The following SNX25 variants were observed in gnomAD, a reference collection of about 807,000 sequenced individuals.
The protein encoded by SNX25 is sorting nexin-25.
In SNX25, 62 loss-of-function variants were observed where a neutral mutation model predicts 113.7. The observed-to-expected ratio is 0.55, with a 90% confidence interval of 0.44 to 0.67. The LOEUF (loss-of-function observed/expected upper bound fraction) is 0.67, where lower values mean the gene tolerates loss of function less well. Ranked by LOEUF, SNX25 falls within the 30% of genes least tolerant of loss-of-function variation. The probability of loss-of-function intolerance (pLI) is 0.00; values close to 1 mark genes in which losing one functional copy is unlikely to be tolerated. For synonymous variants in SNX25, 421 were observed against 436.2 expected (o/e 0.97, Z 0.43); for missense variants, 1,014 against 1,161.0 (o/e 0.87, Z 1.84).
At chr4:185,230,656 C>T (rs1741709583) in intron 1 of SNX25, among the ~76,000 whole-genome samples, 1 of 152,102 alleles carries the variant, frequency 6.6e-6, no homozygotes, top group Non-Finnish European at 1.5e-5. Context: ...GCCTCGGCCT[C>T]CCAAAGTGCT....
chr4:185,360,930 AATAT>A (rs3047488), intron 16 of SNX25, among the ~76,000 whole-genome samples: 40 of 139,626 alleles, frequency 2.9e-4, no homozygotes, highest in African/African-American at 4.6e-4. Context: ...AAAAAAAAAT[AATAT>A]ATATATATAT....
Position 185,268,438 on chromosome 4 carries a change from A to G in SNX25, c.1091+1283A>G, listed in dbSNP as rs563780058. ...TGTGTATTTTTAATAGTATATACACATTTAGTATGATTATATAGTATTATC... is the reference window on the plus strand; with the variant it reads ...TGTGTATTTTTAATAGTATATACACGTTTAGTATGATTATATAGTATTATC... On this transcript the variant is annotated intron_variant, in intron 5 of 18. Coordinates refer to ENST00000652585, the MANE Select transcript of SNX25 (RefSeq NM_001378034.2). Among the ~76,000 whole-genome samples, 11 of 152,294 alleles carry G rather than the reference A, an allele frequency of 7.2e-5. No homozygotes were observed. In the East Asian group the frequency reaches 2.1e-3, roughly 29 times the overall value.
intron 12 of SNX25, among the ~76,000 whole-genome samples, chr4:185,345,963 T>G (rs1333941369): frequency 1.3e-5 from 2 of 152,144 alleles, no homozygotes; most frequent in Non-Finnish European, 2.9e-5. Flanking sequence ...GTTCAAACGA[T>G]TCTCCTGCCT....
chr4:185,335,366 CAAAAA>C (rs1376161697), intron 10 of SNX25, among the ~76,000 whole-genome samples: 1 of 147,968 alleles, frequency 6.8e-6, no homozygotes, highest in Non-Finnish European at 1.5e-5. Flanking sequence ...ACAACAAAAA[CAAAAA>C]ACCTTAAGAT....
intron 1 of SNX25, among the ~76,000 whole-genome samples, chr4:185,230,392 ATTT>A (rs35035428): frequency 7.2e-6 from 1 of 139,788 alleles, no homozygotes. Flanking sequence ...AGGAATCATA[ATTT>A]TTTTTTTTTT....
At chr4:185,240,877 A>G (rs866631536) in intron 1 of SNX25, among the ~76,000 whole-genome samples, 2,152 of 146,620 alleles carry the variant, frequency 0.015, 59 homozygotes, top group African/African-American at 0.052. Context: ...CACATCCCAG[A>G]CGGGGCGGCA....
At chr4:185,378,059 G>A in the SNX25 span, 1 of 1,578,122 alleles carries the variant, frequency 6.3e-7, no homozygotes. Context: ...TCCAAGGGAA[G>A]CTTAAATATC....
intron 2 of SNX25, among the ~76,000 whole-genome samples, chr4:185,255,882 C>G (rs947598651): frequency 6.6e-6 from 1 of 152,214 alleles, no homozygotes; most frequent in Non-Finnish European, 1.5e-5. Flanking sequence ...ATTATAGGAT[C>G]AACCCATTCC....
At chr4:185,373,113 G>T, downstream of SNX25, 1 of 1,546,036 alleles carries the variant, frequency 6.5e-7, no homozygotes, top group South Asian at 1.1e-5. Flanking sequence ...TTGTATTTGT[G>T]ATCCACTAGA....
intron 1 of SNX25, among the ~76,000 whole-genome samples, chr4:185,231,351 G>A (rs1431621849): frequency 5.9e-5 from 9 of 151,504 alleles, no homozygotes; most frequent in African/African-American, 2.2e-4. Flanking sequence ...CACCCGCCTC[G>A]GCCTCCCAAA....
At chr4:185,270,921 C>T (rs529012547) in intron 5 of SNX25, among the ~76,000 whole-genome samples, 2 of 152,134 alleles carry the variant, frequency 1.3e-5, no homozygotes, top group African/African-American at 2.4e-5. Context: ...ATCCTTTCAC[C>T]GGTCCATGGG....
intron 5 of SNX25, among the ~76,000 whole-genome samples, chr4:185,278,600 G>T (rs989166591): frequency 6.6e-6 from 1 of 152,172 alleles, no homozygotes; most frequent in Non-Finnish European, 1.5e-5. Context: ...TACACTTTCA[G>T]ATCCTGACTT....
At chr4:185,271,874 G>A (rs1748981631) in intron 5 of SNX25, among the ~76,000 whole-genome samples, 1 of 152,192 alleles carries the variant, frequency 6.6e-6, no homozygotes, top group African/African-American at 2.4e-5. Flanking sequence ...GGAATAGTTT[G>A]GTTATTTTCT....
chr4:185,245,077 A>G (rs1379624262), intron 1 of SNX25, among the ~76,000 whole-genome samples: 1 of 152,112 alleles, frequency 6.6e-6, no homozygotes, highest in African/African-American at 2.4e-5. Flanking sequence ...CCGTAACATT[A>G]GCCTTTTAGC....
At chr4:185,318,162 A>G (rs2095090621) in intron 7 of SNX25, among the ~76,000 whole-genome samples, 1 of 152,204 alleles carries the variant, frequency 6.6e-6, no homozygotes, top group Non-Finnish European at 1.5e-5. Context: ...GATTTTAGAA[A>G]TATCTTACTG....
At chr4:185,304,275 G>A (rs1490671804) in intron 6 of SNX25, among the ~76,000 whole-genome samples, 2 of 152,178 alleles carry the variant, frequency 1.3e-5, no homozygotes, top group Non-Finnish European at 2.9e-5. Flanking sequence ...GCCTCGACCT[G>A]CTGGGCTCAA....
intron 11 of SNX25, among the ~76,000 whole-genome samples, chr4:185,341,029 G>A (rs1306604980): frequency 1.3e-5 from 2 of 152,188 alleles, no homozygotes; most frequent in African/African-American, 4.8e-5. Flanking sequence ...TGGTAATCCT[G>A]CCTCACAGAG....
intron 5 of SNX25, among the ~76,000 whole-genome samples, chr4:185,287,075 A>C (rs1751445955): frequency 6.6e-6 from 1 of 152,254 alleles, no homozygotes; most frequent in African/African-American, 2.4e-5. Context: ...AAGGGCTAAG[A>C]AACACTCAGG....
chr4:185,352,976 T>G (rs11727342), intron 14 of SNX25: 37,255 of 154,824 alleles, frequency 0.24, 6,829 homozygotes, highest in African/African-American at 0.52. Flanking sequence ...CATTATCCTG[T>G]TGCCTGGTAT....
Sources: allele counts gnomAD v4.1 joint callset (sites outside exome capture counted in the v4.1 genomes callset), GRCh38; gene constraint gnomAD v4.1.1; transcripts MANE v1.5; gene names NCBI Gene and HGNC (gene_info 2026-07-23, HGNC 2026-07-21).